Variants in INPP5F observed in about 807,000 individuals in gnomAD.
The protein encoded by INPP5F is inositol polyphosphate-5-phosphatase F, also known as phosphatidylinositide 4-phosphatase SAC2.
A neutral mutation model predicts 137.2 loss-of-function variants in INPP5F; 97 were observed. The observed-to-expected ratio is 0.71, with a 90% CI of 0.60 to 0.84. The LOEUF is 0.84. Ranked by LOEUF, INPP5F falls within the 40% of genes least tolerant of loss-of-function variation. The probability of loss-of-function intolerance (pLI) is 0.00; values close to 1 mark genes in which losing one functional copy is unlikely to be tolerated. For missense variants in INPP5F, 1,271 were observed against 1,371.9 expected (o/e 0.93, Z 1.16); for synonymous variants, 504 against 476.9 (o/e 1.06, Z -0.74).
At chr10:119,741,633 C>T (rs937493523) in intron 1 of INPP5F, among the ~76,000 whole-genome samples, 3 of 152,164 alleles carry the variant, frequency 2.0e-5, no homozygotes, top group African/African-American at 7.2e-5. Context: ...CTCCTGGGTT[C>T]AAGCCGTTCT....
At chr10:119,757,751 ACT>A (rs1331411370) in intron 2 of INPP5F, among the ~76,000 whole-genome samples, 1 of 152,172 alleles carries the variant, frequency 6.6e-6, no homozygotes, top group Non-Finnish European at 1.5e-5. Flanking sequence ...AGATCTTGCC[ACT>A]GCACTCCAGC....
At chr10:119,767,105 C>CAAAAAA (rs1411736441) in intron 2 of INPP5F, among the ~76,000 whole-genome samples, 1 of 14,922 alleles carries the variant, frequency 6.7e-5, no homozygotes, top group Non-Finnish European at 1.3e-4. Context: ...ACTCTGTCTC[C>CAAAAAA]AGAAAAAAAA....
At chr10:119,762,732 T>G (rs1200942040) in intron 2 of INPP5F, among the ~76,000 whole-genome samples, 4 of 152,158 alleles carry the variant, frequency 2.6e-5, no homozygotes, top group Non-Finnish European at 5.9e-5. Flanking sequence ...ATTTGAGGAT[T>G]TTGGTATCTA....
At position 119,811,851 on chromosome 10, in the gene INPP5F, C is replaced by T. The variant is rs772198089; in HGVS notation, c.1782C>T (p.Ser594=). The T allele has an allele frequency of 1.2e-6, 2 of 1,613,840 alleles. No homozygotes were observed. The highest frequency in any genetic ancestry group is 4.5e-5 in the East Asian group (2 of 44,902). ...HEALHKENQR[S]HQELISQLLQ... ...CTTTGCATAAGGAAAATCAGAGAAG[C>T]CACCAGGAACTAATTAGCCAGCTCT... Residue 594 remains serine, a synonymous_variant, in exon 15 of 20, where the codon AGC becomes AGT. Coordinates refer to ENST00000650623, the MANE Select transcript of INPP5F (RefSeq NM_014937.4).
chr10:119,736,186 GATGCATTATGA>G (rs1263623733), intron 1 of INPP5F, among the ~76,000 whole-genome samples: 33 of 152,294 alleles, frequency 2.2e-4, no homozygotes, highest in African/African-American at 5.5e-4. Context: ...TTTCTTGGGT[GATGCATTATGA>G]ATGCATTATG....
intron 16 of INPP5F, among the ~76,000 whole-genome samples, chr10:119,821,748 C>CTT (rs1432346577): frequency 5.8e-4 from 85 of 145,380 alleles, no homozygotes; most frequent in African/African-American, 2.0e-3. Flanking sequence ...CCGTCTCTTG[C>CTT]TCTGTGTGTG....
chr10:119,746,971 T>C (rs1848553417), intron 1 of INPP5F, among the ~76,000 whole-genome samples: 1 of 152,126 alleles, frequency 6.6e-6, no homozygotes, highest in African/African-American at 2.4e-5. Flanking sequence ...GTATTTTTAG[T>C]AGAGATGGGG....
At chr10:119,771,876 ATATATATTTTTTTTTTTTTTTT>A (rs1250708236) in intron 2 of INPP5F, among the ~76,000 whole-genome samples, 1 of 20,932 alleles carries the variant, frequency 4.8e-5, no homozygotes, top group East Asian at 1.3e-3. Context: ...ATATATATAT[ATATATATTTTTTTTTTTTTTTT>A]TTTTTTTTTT....
chr10:119,815,086 C>T (rs1028025412), intron 15 of INPP5F: 6 of 152,468 alleles, frequency 3.9e-5, no homozygotes, highest in Non-Finnish European at 7.3e-5. Context: ...AGGATGGTCT[C>T]GATCTCCTGA....
chr10:119,736,664 C>T (rs1848224461), intron 1 of INPP5F, among the ~76,000 whole-genome samples: 1 of 152,094 alleles, frequency 6.6e-6, no homozygotes, highest in African/African-American at 2.4e-5. Flanking sequence ...TGGGTCTTTT[C>T]TTGAGATGTG....
intron 1 of INPP5F, among the ~76,000 whole-genome samples, chr10:119,731,851 A>T (rs1425999443): frequency 6.6e-6 from 1 of 152,080 alleles, no homozygotes; most frequent in Non-Finnish European, 1.5e-5. Flanking sequence ...ATCTTATACT[A>T]CTTTTTACTC....
chr10:119,795,950 C>G (rs923039393), intron 6 of INPP5F, among the ~76,000 whole-genome samples: 1 of 152,084 alleles, frequency 6.6e-6, no homozygotes, highest in East Asian at 1.9e-4. Flanking sequence ...TGGCGGCGCG[C>G]GCCTGCAATC....
At chr10:119,786,036 AT>A (rs146296183) in intron 3 of INPP5F, among the ~76,000 whole-genome samples, 36 of 152,216 alleles carry the variant, frequency 2.4e-4, no homozygotes, top group African/African-American at 8.7e-4. Flanking sequence ...TAACCGCATC[AT>A]TTTCCGTATT....
intron 17 of INPP5F, among the ~76,000 whole-genome samples, 161 bp downstream of exon 17, chr10:119,822,665 GGGAATAGGTAT>G (rs1347434328): frequency 1.3e-5 from 2 of 152,194 alleles, no homozygotes; most frequent in Non-Finnish European, 2.9e-5. Context: ...ATGAGGTCTA[GGGAATAGGTAT>G]GAAATCCTAA....
chr10:119,826,247 C>T (rs1019033629), intron 19 of INPP5F, among the ~76,000 whole-genome samples: 1 of 152,174 alleles, frequency 6.6e-6, no homozygotes, highest in Non-Finnish European at 1.5e-5. Flanking sequence ...TTTTAGAATG[C>T]GACTAGGCTG....
intron 1 of INPP5F, among the ~76,000 whole-genome samples, chr10:119,734,080 A>G (rs1848158270): frequency 1.3e-5 from 2 of 152,184 alleles, no homozygotes; most frequent in Admixed American, 6.5e-5. Flanking sequence ...TCTCACTGTC[A>G]TTTTATTCAG....
At chr10:119,821,911 C>T (rs1481979918) in intron 16 of INPP5F, among the ~76,000 whole-genome samples, 1 of 140,370 alleles carries the variant, frequency 7.1e-6, no homozygotes, top group Non-Finnish European at 1.5e-5. Context: ...TCTTTTTGCC[C>T]AGGCTGGAGT....
chr10:119,758,984 T>C (rs555941705), intron 2 of INPP5F, among the ~76,000 whole-genome samples: 13 of 152,332 alleles, frequency 8.5e-5, no homozygotes, highest in Non-Finnish European at 2.9e-5. Context: ...TCACTAGCAT[T>C]GTTTTAGTGC....
intron 1 of INPP5F, among the ~76,000 whole-genome samples, chr10:119,749,343 C>G (rs564057330): frequency 6.6e-6 from 1 of 152,238 alleles, no homozygotes; most frequent in African/African-American, 2.4e-5. Context: ...CCGCGCCTCC[C>G]CGGATGCATC....
Sources: gnomAD v4.1 joint callset for allele counts (sites outside exome capture counted in the v4.1 genomes callset) on GRCh38, gnomAD v4.1.1 for gene constraint, MANE v1.5 for transcripts, NCBI Gene and HGNC (gene_info 2026-07-23, HGNC 2026-07-21) for gene names.